Variants in PCDH9 observed in about 807,000 individuals in gnomAD.
PCDH9 encodes protocadherin-9.
A neutral mutation model predicts 70.6 loss-of-function variants in PCDH9; 24 were observed. The observed-to-expected ratio is 0.34, with a 90% CI of 0.25 to 0.48. The LOEUF is 0.48. PCDH9 is among the 20% of genes least tolerant of loss of function. The probability of loss-of-function intolerance (pLI) is 0.99; values close to 1 mark genes in which losing one functional copy is unlikely to be tolerated. For missense variants in PCDH9, 1,281 were observed against 1,503.6 expected (o/e 0.85, Z 2.45); for synonymous variants, 562 against 558.5 (o/e 1.01, Z -0.09).
chr13:66,747,130 T>A (rs546678785), intron 3 of PCDH9, among the ~76,000 whole-genome samples: 80 of 152,222 alleles, frequency 5.3e-4, no homozygotes, highest in African/African-American at 1.9e-3. Context: ...GGCGGGTGGA[T>A]CACGAGGTCA....
chr13:66,912,087 G>A (rs2082477230), intron 2 of PCDH9, among the ~76,000 whole-genome samples: 1 of 152,106 alleles, frequency 6.6e-6, no homozygotes, highest in Admixed American at 6.6e-5. Context: ...ACAGATAAAA[G>A]TAGATTGACT....
rs565097493 is a variant in PCDH9, at chr13:67,137,963, A to C, written c.3036+87442T>G. Among the ~76,000 whole-genome samples, 71 of 152,334 alleles carry C rather than the reference A, an allele frequency of 4.7e-4. 1 individual carries two copies. Among genetic ancestry groups the C allele is most frequent in the Non-Finnish European group, 1.8e-4 (12 of 68,024 alleles). ...GAATGCCCATAAACAATCTGATTCCAGTCTTATTTTCAGTAGTCATGCATA... is the reference window on the plus strand; with the variant it reads ...GAATGCCCATAAACAATCTGATTCCCGTCTTATTTTCAGTAGTCATGCATA... On this transcript the variant is annotated intron_variant, in intron 2 of 4. Transcript: ENST00000377865.
chr13:67,219,463 A>G (rs918913024), intron 2 of PCDH9: 41 of 151,986 alleles, frequency 2.7e-4, no homozygotes, highest in African/African-American at 9.4e-4. Flanking sequence ...GAGAGATCCT[A>G]TTTTTACATT....
At chr13:66,452,735 C>A (rs1255696609) in intron 4 of PCDH9, among the ~76,000 whole-genome samples, 1 of 152,112 alleles carries the variant, frequency 6.6e-6, no homozygotes, top group African/African-American at 2.4e-5. Context: ...CTTCTTAAGT[C>A]AAGTGCACAA....
chr13:67,109,781 T>A (rs769996317), intron 2 of PCDH9, among the ~76,000 whole-genome samples: 1 of 152,178 alleles, frequency 6.6e-6, no homozygotes, highest in African/African-American at 2.4e-5. Context: ...TTATATTTCT[T>A]CTCTTTTTAA....
chr13:67,039,242 G>A (rs756996555), intron 2 of PCDH9, among the ~76,000 whole-genome samples: 15 of 152,116 alleles, frequency 9.9e-5, no homozygotes, highest in Non-Finnish European at 2.1e-4. Flanking sequence ...CAGATTGAAG[G>A]TCCCATAACC....
chr13:66,708,816 C>T (rs1327836212), intron 3 of PCDH9, among the ~76,000 whole-genome samples: 1 of 152,118 alleles, frequency 6.6e-6, no homozygotes, highest in Non-Finnish European at 1.5e-5. Context: ...TCAAAACTAA[C>T]ACCCAAGAGC....
chr13:66,751,213 A>AC (rs2079453027), intron 3 of PCDH9, among the ~76,000 whole-genome samples: 1 of 151,408 alleles, frequency 6.6e-6, no homozygotes. Context: ...AATTGATCAA[A>AC]TTTTTTTTTT....
chr13:67,031,311 A>G (rs946319840), intron 2 of PCDH9, among the ~76,000 whole-genome samples: 1 of 152,234 alleles, frequency 6.6e-6, no homozygotes, highest in Non-Finnish European at 1.5e-5. Flanking sequence ...ACAATTTACC[A>G]TAATAATTTC....
chr13:66,355,278 C>G (rs190613492), intron 4 of PCDH9, among the ~76,000 whole-genome samples: 1 of 152,032 alleles, frequency 6.6e-6, no homozygotes, highest in African/African-American at 2.4e-5. Flanking sequence ...TCAATATCAC[C>G]CTTTTGCAGT....
intron 4 of PCDH9, among the ~76,000 whole-genome samples, chr13:66,394,013 G>T: frequency 6.6e-6 from 1 of 152,194 alleles, no homozygotes; most frequent in Non-Finnish European, 1.5e-5. Flanking sequence ...ATAGAGGGTT[G>T]TGAAGCTGAG....
rs35239094 is a variant in PCDH9 at position 66,387,543 on chromosome 13, T to TAA, written c.3341-82517_3341-82516dup. Among the ~76,000 whole-genome samples the TAA allele has an allele frequency of 3.7e-3, 426 of 115,442 alleles. 1 individual carries two copies. Among genetic ancestry groups the TAA allele is most frequent in the African/African-American group, 0.01 (336 of 32,426 alleles). 75.7% of individuals were successfully genotyped at this position (115,442 alleles called of 152,430 possible). On this transcript the variant is annotated intron_variant, in intron 4 of 4. Transcript: ENST00000377865. ...TCTTATTTCCCACATGATCTGGTGG[T>TAA]AAAAAAAAAAAAAAAAAAAGTCCAG...
intron 4 of PCDH9, among the ~76,000 whole-genome samples, chr13:66,589,744 CTATAACAGCTGTT>C (rs2077014905): frequency 6.6e-6 from 1 of 151,948 alleles, no homozygotes; most frequent in African/African-American, 2.4e-5. Context: ...CTATTTTCAA[CTATAACAGCTGTT>C]TTATATTCCA....
chr13:67,003,460 TATA>T (rs2139824883), intron 2 of PCDH9, among the ~76,000 whole-genome samples: 1 of 152,334 alleles, frequency 6.6e-6, no homozygotes, highest in South Asian at 2.1e-4. Context: ...TTTAAGGAAT[TATA>T]ATGGTACAAG....
chr13:66,604,366 G>A (rs73194770), intron 4 of PCDH9, among the ~76,000 whole-genome samples: 24,729 of 151,910 alleles, frequency 0.16, 2,189 homozygotes, highest in Middle Eastern at 0.22. Flanking sequence ...TATAATAGAC[G>A]AATAAATAGT....
chr13:67,142,625 A>G (rs931285246), intron 2 of PCDH9, among the ~76,000 whole-genome samples: 1 of 152,212 alleles, frequency 6.6e-6, no homozygotes. Flanking sequence ...AAAGAGTAAA[A>G]TTAAAATACT....
intron 2 of PCDH9, among the ~76,000 whole-genome samples, chr13:66,911,134 G>A (rs1336028755): frequency 6.6e-6 from 1 of 152,060 alleles, no homozygotes; most frequent in African/African-American, 2.4e-5. Flanking sequence ...AGAAATTTTG[G>A]TAATGCAATC....
intron 4 of PCDH9, among the ~76,000 whole-genome samples, chr13:66,560,079 A>G (rs1961940356): frequency 6.6e-6 from 1 of 152,116 alleles, no homozygotes; most frequent in East Asian, 1.9e-4. Flanking sequence ...TGTCTCCTGC[A>G]TGCAGTCCTG....
chr13:66,674,864 A>C (rs919981339), intron 3 of PCDH9, among the ~76,000 whole-genome samples: 1 of 152,114 alleles, frequency 6.6e-6, no homozygotes, highest in Non-Finnish European at 1.5e-5. Context: ...GATTGAGTTT[A>C]GATGTCAAAG....
Sources: allele counts gnomAD v4.1 joint callset (sites outside exome capture counted in the v4.1 genomes callset), GRCh38; gene constraint gnomAD v4.1.1; transcripts MANE v1.5; gene names NCBI Gene and HGNC (gene_info 2026-07-23, HGNC 2026-07-21).